THADA: variants seen among roughly 807,000 people sequenced by gnomAD.
The protein encoded by THADA is THADA armadillo repeat containing.
THADA carries 213 observed loss-of-function variants against 219.8 expected under a neutral mutation model. The observed-to-expected ratio is 0.97, with a 90% CI of 0.87 to 1.09. The LOEUF (loss-of-function observed/expected upper bound fraction) is 1.09, where lower values mean the gene tolerates loss of function less well. Among genes scored for constraint, THADA ranks in the 50% least tolerant of loss-of-function variants. The pLI is 0.00. For synonymous variants in THADA, 1,018 were observed against 828.9 expected (o/e 1.23, Z -3.92); for missense variants, 2,956 against 2,311.3 (o/e 1.28, Z -5.72).
Position 43,556,338 on chromosome 2 carries a change from T to C in THADA, c.2674+7A>G. 1 of 1,613,514 alleles carries C rather than the reference T, an allele frequency of 6.2e-7. No homozygotes were observed. The highest frequency in any genetic ancestry group is 8.5e-7 in the Non-Finnish European group (1 of 1,179,702). On this transcript the variant is annotated splice_region_variant and intron_variant, in intron 17 of 37. Transcript: ENST00000405975. The stretch of plus-strand genomic sequence containing the variant: ...TCGTTTTGATAAGAGCAAACATCAA[T>C]ACAAACCCATTAATGTGTTCCTTTC...
intron 26 of THADA, among the ~76,000 whole-genome samples, chr2:43,451,620 C>G (rs12105626): frequency 0.083 from 12,692 of 152,214 alleles, 590 homozygotes; most frequent in South Asian, 0.14. Context: ...TTTAGAACTT[C>G]CCACAAATCC....
intron 22 of THADA, among the ~76,000 whole-genome samples, chr2:43,515,657 T>C (rs1290109202): frequency 6.6e-6 from 1 of 151,464 alleles, no homozygotes; most frequent in African/African-American, 2.4e-5. Flanking sequence ...GGAACATCAA[T>C]TATACCAAAC....
In THADA at chr2:43,581,918, C is replaced by A. The variant is rs527902461; in HGVS notation, c.544G>T (p.Gly182Ter). The change falls in exon 8 of 38, where the codon GGA becomes TGA. Residue 182 changes from glycine (G) to a stop codon, truncating the protein, a stop_gained. Coordinates refer to ENST00000405975, the MANE Select transcript of THADA (RefSeq NM_022065.5). LOFTEE classifies it high-confidence loss of function. ...AACTGTGTTTGAATAATATGATTTC[C>A]AGCACATTTTCTATAAAGAAGAAAA... The part of the protein sequence containing the change: ...EILEENRKCA[G>*]NHIIQTQLMN... 3 of 1,527,664 alleles carry A rather than the reference C, an allele frequency of 2.0e-6. No individual in the cohort carries two copies. Among genetic ancestry groups the A allele is most frequent in the Non-Finnish European group, 2.6e-6 (3 of 1,143,824 alleles). 94.6% of individuals were successfully genotyped at this position (1,527,664 alleles called of 1,614,324 possible).
intron 22 of THADA, among the ~76,000 whole-genome samples, chr2:43,511,588 G>T (rs1192406310): frequency 6.6e-6 from 1 of 152,030 alleles, no homozygotes; most frequent in Non-Finnish European, 1.5e-5. Flanking sequence ...ACTTTTCCAA[G>T]TTCCTACACA....
Position 43,578,318 on chromosome 2 carries a change from T to C in THADA, c.816+195A>G, listed in dbSNP as rs1204529986. 2.6e-5 allele frequency among the ~76,000 whole-genome samples: 4 copies of C among 151,288 alleles called. No homozygotes were observed. In the East Asian group the frequency reaches 7.7e-4, roughly 29 times the overall value. On this transcript the variant is annotated intron_variant, in intron 9 of 37. Coordinates refer to ENST00000405975, the MANE Select transcript of THADA (RefSeq NM_022065.5). The stretch of plus-strand genomic sequence containing the variant: ...CCACCATACCCAGCAAATTTTCTTT[T>C]TTTTTTTTTGTAGAGACAAGGTCTA...
chr2:43,394,712 G>C (rs1673815281), intron 29 of THADA, among the ~76,000 whole-genome samples: 1 of 152,192 alleles, frequency 6.6e-6, no homozygotes, highest in African/African-American at 2.4e-5. Flanking sequence ...ACAGAACTAG[G>C]ACAACACAGG....
intron 25 of THADA, among the ~76,000 whole-genome samples, chr2:43,487,263 C>T (rs1055751117): frequency 6.6e-6 from 1 of 152,114 alleles, no homozygotes; most frequent in Non-Finnish European, 1.5e-5. Flanking sequence ...ACCTTCTCTC[C>T]TCTCAGAAAT....
intron 28 of THADA, among the ~76,000 whole-genome samples, chr2:43,405,589 T>C (rs1024707504): frequency 6.6e-6 from 1 of 152,204 alleles, no homozygotes; most frequent in Non-Finnish European, 1.5e-5. Flanking sequence ...CACATAAAAA[T>C]TGCATTGACT....
chr2:43,539,371 G>A (rs1695013669), intron 21 of THADA, among the ~76,000 whole-genome samples: 1 of 152,302 alleles, frequency 6.6e-6, no homozygotes, highest in South Asian at 2.1e-4. Context: ...TTAAGCACAT[G>A]TAAGTATATT....
chr2:43,469,937 G>A (rs577815679), intron 26 of THADA, among the ~76,000 whole-genome samples: 65 of 152,244 alleles, frequency 4.3e-4, no homozygotes, highest in South Asian at 8.3e-4. Context: ...ACAAGGGCCG[G>A]GTGTGGCTCA....
In THADA at chr2:43,569,421, T is replaced by C. The variant is rs572792381; in HGVS notation, c.2187+967A>G. On this transcript the variant is annotated intron_variant, in intron 14 of 37. Transcript: ENST00000405975. ...CAAATCAATCTTTGAGAAAGGTTAC[T>C]AATTCTGCTTATAGTTGACGAGACT... is the stretch of plus-strand genomic sequence containing the variant. 7.2e-5 allele frequency among the ~76,000 whole-genome samples: 11 copies of C among 152,368 alleles called. No individual in the cohort carries two copies. In the South Asian group the frequency reaches 2.1e-3, roughly 29 times the overall value.
chr2:43,400,087 C>CT (rs909099291), intron 28 of THADA, among the ~76,000 whole-genome samples: 20 of 152,262 alleles, frequency 1.3e-4, no homozygotes, highest in African/African-American at 4.8e-4. Context: ...ACAAATAACT[C>CT]TGACATGGTT....
chr2:43,344,044 C>T (rs775790812), intron 30 of THADA, 78 bp downstream of exon 30: 3 of 1,053,360 alleles, frequency 2.8e-6, no homozygotes, highest in African/African-American at 3.2e-5. Context: ...TTTAAAACTC[C>T]CCACAACTAG....
At chr2:43,398,729 T>C (rs551932850) in intron 28 of THADA, among the ~76,000 whole-genome samples, 1 of 152,320 alleles carries the variant, frequency 6.6e-6, no homozygotes, top group East Asian at 1.9e-4. Context: ...AGGCTAAAAA[T>C]ACTCAAGGTC....
At chr2:43,559,595 G>T (rs911342446) in intron 16 of THADA, among the ~76,000 whole-genome samples, 2 of 152,166 alleles carry the variant, frequency 1.3e-5, no homozygotes, top group Non-Finnish European at 2.9e-5. Context: ...AAGAGCCAGG[G>T]TCTGGAAGTC....
intron 29 of THADA, among the ~76,000 whole-genome samples, chr2:43,371,230 T>C (rs886323854): frequency 9.9e-5 from 15 of 152,250 alleles, no homozygotes; most frequent in Non-Finnish European, 1.9e-4. Flanking sequence ...ATGAAGTATA[T>C]AATTCCTTAA....
At chr2:43,432,148 G>A (rs1237487481) in intron 26 of THADA, among the ~76,000 whole-genome samples, 4 of 126,072 alleles carry the variant, frequency 3.2e-5, no homozygotes, top group African/African-American at 6.0e-5. Flanking sequence ...GAGCCACCGC[G>A]CCCGGCCAAT....
chr2:43,430,213 C>G lies in THADA; in HGVS notation c.3926G>C (p.Ser1309Thr). Residue 1309 changes from serine to threonine, a missense_variant and splice_region_variant, in exon 27 of 38, where the codon AGT becomes ACT. Transcript: ENST00000405975. ...TTGCCCCACCCAATTCTCTTCTTAC[C>G]TGTCTACTGTATTGGCTACAGTTTC... ...QLETVANTVD[S>T]DMGEPNRHPS... 6.6e-7 allele frequency: 1 copy of G among 1,508,028 alleles called. No individual in the cohort carries two copies. The highest frequency in any genetic ancestry group is 1.3e-5 in the South Asian group (1 of 75,530). 93.4% of individuals were successfully genotyped at this position (1,508,028 alleles called of 1,614,324 possible).
chr2:43,347,989 T>C (rs1269183648), intron 29 of THADA, among the ~76,000 whole-genome samples: 5 of 152,126 alleles, frequency 3.3e-5, no homozygotes, highest in South Asian at 2.1e-4. Context: ...GTGGAGGTCA[T>C]AGCAGAAGGG....
Sources: allele counts gnomAD v4.1 joint callset (sites outside exome capture counted in the v4.1 genomes callset), GRCh38; gene constraint gnomAD v4.1.1; transcripts MANE v1.5; gene names NCBI Gene and HGNC (gene_info 2026-07-23, HGNC 2026-07-21).